KLRF2: variants seen among roughly 807,000 people sequenced by gnomAD.
KLRF2 encodes the protein killer cell lectin like receptor F2, also known as killer cell lectin-like receptor subfamily F member 2.
A neutral mutation model predicts 25.3 loss-of-function variants in KLRF2; 28 were observed. The observed-to-expected ratio is 1.11, with a 90% CI of 0.82 to 1.52. KLRF2 has a LOEUF of 1.52. Among genes scored for constraint, KLRF2 ranks in the 40% most tolerant of loss-of-function variants. KLRF2 has a pLI of 0.00. For synonymous variants in KLRF2, 73 were observed against 85.0 expected (o/e 0.86, Z 0.78); for missense variants, 265 against 245.8 (o/e 1.08, Z -0.52).
chr12:9,893,493 A>C lies in KLRF2; in HGVS notation c.431A>C (p.Gln144Pro). The change falls in exon 5 of 6, where the codon CAA (glutamine) becomes CCA (proline). Residue 144 changes from glutamine to proline, a missense_variant. Transcript: ENST00000535540. The stretch of plus-strand genomic sequence containing the variant: ...TGGATTGGACTATATGTTACATTCC[A>C]AGGGAACCTATGGATGTGGATAGAT... ...FGWIGLYVTF[Q>P]GNLWMWIDEH... 6.6e-7 allele frequency: 1 copy of C among 1,525,182 alleles called. No individual in the cohort carries two copies. The highest frequency in any genetic ancestry group is 8.8e-7 in the Non-Finnish European group (1 of 1,137,882). The allele number at this position is 1,525,182 out of a possible 1,614,324, so 94.5% of individuals were successfully genotyped here.
chr12:9,893,674 C>T (rs1253641615), intron 5 of KLRF2, 133 bp downstream of exon 5: 4 of 420,868 alleles, frequency 9.5e-6, no homozygotes, highest in Non-Finnish European at 1.2e-5. Context: ...TACTTTTTCC[C>T]TTTTAGCTCT....
chr12:9,885,324 A>G (rs1271651672), intron 2 of KLRF2, among the ~76,000 whole-genome samples: 1 of 86,356 alleles, frequency 1.2e-5, no homozygotes, highest in East Asian at 3.4e-4. Context: ...TTGTGAGATC[A>G]TTATTTAAGT....
chr12:9,892,732 G>GGT (rs1189037409), intron 3 of KLRF2, among the ~76,000 whole-genome samples: 5 of 151,682 alleles, frequency 3.3e-5, no homozygotes, highest in Non-Finnish European at 7.4e-5. Flanking sequence ...TTACAGGCAT[G>GGT]GGCCACCATG....
At chr12:9,894,895 T>G (rs893967416) in intron 5 of KLRF2, among the ~76,000 whole-genome samples, 1 of 152,158 alleles carries the variant, frequency 6.6e-6, no homozygotes, top group African/African-American at 2.4e-5. Context: ...CCAGCATTAC[T>G]ATAAAGGTAA....
Position 9,893,498 on chromosome 12 carries a change from A to T in KLRF2, c.436A>T (p.Asn146Tyr), listed in dbSNP as rs868740783. 2 of 1,524,440 alleles carry T rather than the reference A, an allele frequency of 1.3e-6. No individual in the cohort carries two copies. The highest frequency in any genetic ancestry group is 2.0e-5 in the Admixed American group (1 of 50,818). The allele number at this position is 1,524,440 out of a possible 1,614,324, so 94.4% of individuals were successfully genotyped here. The change falls in exon 5 of 6, where the codon AAC becomes TAC. Residue 146 changes from asparagine (N) to tyrosine (Y), a missense_variant. Physicochemically the swap from Asn to Tyr is moderately radical, Grantham distance 143. Coordinates refer to ENST00000535540, the MANE Select transcript of KLRF2 (RefSeq NM_001190765.1). The part of the protein sequence containing the change: ...WIGLYVTFQG[N>Y]LWMWIDEHFL... ...TGGACTATATGTTACATTCCAAGGGAACCTATGGATGTGGATAGATGAACA... is the reference window on the plus strand; with the variant it reads ...TGGACTATATGTTACATTCCAAGGGTACCTATGGATGTGGATAGATGAACA...
At chr12:9,890,711 CTTCTT>C (rs1862666184) in intron 3 of KLRF2, among the ~76,000 whole-genome samples, 1 of 152,148 alleles carries the variant, frequency 6.6e-6, no homozygotes, top group Non-Finnish European at 1.5e-5. Flanking sequence ...GATGGGGACT[CTTCTT>C]TTGTTTTCAA....
At chr12:9,894,543 G>T (rs1862735578) in intron 5 of KLRF2, among the ~76,000 whole-genome samples, 1 of 152,132 alleles carries the variant, frequency 6.6e-6, no homozygotes, top group African/African-American at 2.4e-5. Flanking sequence ...TTGTTCTTAT[G>T]TGAACAACAT....
intron 2 of KLRF2, among the ~76,000 whole-genome samples, chr12:9,887,495 TAA>T (rs1862612212): frequency 6.6e-6 from 1 of 152,150 alleles, no homozygotes; most frequent in African/African-American, 2.4e-5. Flanking sequence ...AGTAATCAAG[TAA>T]ATATTTTTTC....
chr12:9,882,716 G>A (rs1358499821), intron 1 of KLRF2, among the ~76,000 whole-genome samples: 1 of 152,164 alleles, frequency 6.6e-6, no homozygotes, highest in Non-Finnish European at 1.5e-5. Flanking sequence ...GGGAGACGGA[G>A]GTTGCAGTCA....
chr12:9,888,679 G>C (rs968818621), intron 2 of KLRF2, 54 bp from the exon 3 acceptor site: 1 of 999,104 alleles, frequency 1.0e-6, no homozygotes, highest in South Asian at 1.4e-5. Flanking sequence ...CATGTACCTA[G>C]ATTGCTATTG....
intron 5 of KLRF2, among the ~76,000 whole-genome samples, chr12:9,893,837 G>T (rs1245739074): frequency 6.6e-6 from 1 of 151,998 alleles, no homozygotes; most frequent in East Asian, 1.9e-4. Context: ...TTTCTAAGCT[G>T]ATTTAAATCT....
intron 1 of KLRF2, among the ~76,000 whole-genome samples, chr12:9,884,322 C>T (rs1260982969): frequency 6.6e-6 from 1 of 151,778 alleles, no homozygotes; most frequent in Non-Finnish European, 1.5e-5. Context: ...TCTAATACTA[C>T]CTAAGCTGAA....
intron 1 of KLRF2, among the ~76,000 whole-genome samples, chr12:9,881,943 G>T (rs1868099209): frequency 6.6e-6 from 1 of 151,972 alleles, no homozygotes; most frequent in African/African-American, 2.4e-5. Context: ...CTGAAAAATT[G>T]TGTTTTTACA....
chr12:9,890,084 CACTCCCTCAA>C lies in KLRF2; in HGVS notation c.217+1308_217+1317del, dbSNP rs2137000961. Among the ~76,000 whole-genome samples, 3 of 152,238 alleles carry C rather than the reference CACTCCCTCAA, an allele frequency of 2.0e-5. No homozygotes were observed. The South Asian group carries it at 6.2e-4, about 32-fold the overall frequency. On this transcript the variant is annotated intron_variant, in intron 3 of 5. Transcript: ENST00000535540. ...TTTCCATCTGTATCTCCACCATCATCACTCCCTCAAACTAGATTATATTAAAGTAGTGACT... is the reference window on the plus strand; with the variant it reads ...TTTCCATCTGTATCTCCACCATCATCACTAGATTATATTAAAGTAGTGACT...
At chr12:9,884,739 T>C (rs1242432800) in intron 1 of KLRF2, among the ~76,000 whole-genome samples, 195 bp from the exon 2 acceptor site, 3 of 151,258 alleles carry the variant, frequency 2.0e-5, no homozygotes, top group Non-Finnish European at 4.4e-5. Context: ...TCTATGTCAG[T>C]ACAATCCAAA....
chr12:9,895,778 A>T lies in KLRF2; in HGVS notation c.569A>T (p.Lys190Met). ...VYSEDCSSTF[K>M]GICQRDAILT... Reference sequence around the variant, plus strand: ...TCTGAAGACTGTAGCTCCACATTTAAGGGCATTTGCCAGAGAGATGCGATC... The same window carrying T: ...TCTGAAGACTGTAGCTCCACATTTATGGGCATTTGCCAGAGAGATGCGATC... Residue 190 changes from lysine to methionine, a missense_variant, in exon 6 of 6, where the codon AAG becomes ATG. Transcript: ENST00000535540. 6.5e-7 allele frequency: 1 copy of T among 1,535,802 alleles called. No individual in the cohort carries two copies. Among genetic ancestry groups the T allele is most frequent in the Non-Finnish European group, 8.7e-7 (1 of 1,146,758 alleles).
intron 2 of KLRF2, among the ~76,000 whole-genome samples, chr12:9,886,313 T>C (rs1393112584): frequency 2.0e-5 from 3 of 152,094 alleles, no homozygotes; most frequent in Admixed American, 6.6e-5. Context: ...TATTTATATC[T>C]CCTCTCTCCC....
intron 1 of KLRF2, among the ~76,000 whole-genome samples, chr12:9,884,361 A>G (rs932918804): frequency 6.6e-6 from 1 of 151,908 alleles, no homozygotes; most frequent in Non-Finnish European, 1.5e-5. Flanking sequence ...AGTCAAACCC[A>G]GAAAAATATA....
At chr12:9,887,345 C>A (rs887984997) in intron 2 of KLRF2, among the ~76,000 whole-genome samples, 2 of 151,972 alleles carry the variant, frequency 1.3e-5, no homozygotes, top group African/African-American at 2.4e-5. Context: ...AAAATATAAT[C>A]CTAAAGGGTT....
Sources: gnomAD v4.1 joint callset for allele counts (sites outside exome capture counted in the v4.1 genomes callset) on GRCh38, gnomAD v4.1.1 for gene constraint, MANE v1.5 for transcripts, NCBI Gene and HGNC (gene_info 2026-07-23, HGNC 2026-07-21) for gene names.